Variants in PXDNL observed in about 807,000 individuals in gnomAD.
The protein encoded by PXDNL is probable oxidoreductase PXDNL.
Under a neutral mutation model 150.8 loss-of-function variants are expected in PXDNL, and 145 were observed. That is an observed-to-expected ratio of 0.96 (90% CI 0.84 to 1.10). The LOEUF is 1.10. Ranked by LOEUF, PXDNL falls within the 50% of genes least tolerant of loss-of-function variation. PXDNL has a pLI of 0.00. For synonymous variants in PXDNL, 757 were observed against 725.7 expected (o/e 1.04, Z -0.69); for missense variants, 2,087 against 1,873.9 (o/e 1.11, Z -2.10).
At chr8:51,574,288 A>G (rs1318541299) in intron 3 of PXDNL, among the ~76,000 whole-genome samples, 2 of 152,060 alleles carry the variant, frequency 1.3e-5, no homozygotes, top group Non-Finnish European at 2.9e-5. Flanking sequence ...AACTCAATGT[A>G]TGGGTCAGTG....
intron 8 of PXDNL, 145 bp downstream of exon 8, chr8:51,472,042 C>T (rs1254976085): frequency 1.1e-5 from 6 of 563,532 alleles, no homozygotes; most frequent in East Asian, 2.8e-5. Context: ...AGTAAGTCAA[C>T]AGATAAAAGT....
At chr8:51,492,160 T>A (rs1644058471) in intron 5 of PXDNL, among the ~76,000 whole-genome samples, 1 of 152,228 alleles carries the variant, frequency 6.6e-6, no homozygotes. Flanking sequence ...AAGGGCATCC[T>A]TTTTTAAACA....
intron 1 of PXDNL, among the ~76,000 whole-genome samples, chr8:51,782,219 T>C (rs2037422204): frequency 6.6e-6 from 1 of 152,108 alleles, no homozygotes; most frequent in Admixed American, 6.5e-5. Context: ...TAGAGCAGTG[T>C]TGCCTGGCCT....
At chr8:51,493,085 T>C (rs1179560326) in intron 5 of PXDNL, among the ~76,000 whole-genome samples, 2 of 152,120 alleles carry the variant, frequency 1.3e-5, no homozygotes, top group Non-Finnish European at 1.5e-5. Context: ...GAGACAAAAC[T>C]TCCAGAGGAA....
At chr8:51,620,418 G>T (rs1012818009) in intron 2 of PXDNL, among the ~76,000 whole-genome samples, 5 of 152,138 alleles carry the variant, frequency 3.3e-5, no homozygotes, top group African/African-American at 1.2e-4. Context: ...CTAACACATG[G>T]CCAACATTTT....
At chr8:51,784,160 C>G (rs752614130) in intron 1 of PXDNL, among the ~76,000 whole-genome samples, 8 of 152,228 alleles carry the variant, frequency 5.3e-5, no homozygotes, top group Non-Finnish European at 5.9e-5. Context: ...AGACTCTCCT[C>G]TCTTTTTCTA....
At chr8:51,520,870 C>T (rs1811647756) in intron 4 of PXDNL, among the ~76,000 whole-genome samples, 1 of 152,076 alleles carries the variant, frequency 6.6e-6, no homozygotes, top group African/African-American at 2.4e-5. Flanking sequence ...AAAGCAATCA[C>T]CAGAACCAGA....
intron 1 of PXDNL, among the ~76,000 whole-genome samples, chr8:51,693,833 G>C (rs1035820495): frequency 6.6e-6 from 1 of 152,160 alleles, no homozygotes; most frequent in Non-Finnish European, 1.5e-5. Flanking sequence ...TTTGATTCAG[G>C]CTTTTAATAC....
At position 51,644,321 on chromosome 8, in the gene PXDNL, C is replaced by CATATAT. The variant is rs369187025; in HGVS notation, c.236+10362_236+10367dup. Among the ~76,000 whole-genome samples the CATATAT allele has an allele frequency of 2.0e-3, 111 of 55,904 alleles. 3 individuals are homozygous for CATATAT. Among genetic ancestry groups the CATATAT allele is most frequent in the African/African-American group, 4.3e-3 (103 of 24,206 alleles). The allele number at this position is 55,904 out of a possible 152,430, so 36.7% of individuals were successfully genotyped here. On this transcript the variant is annotated intron_variant, in intron 2 of 22. Transcript: ENST00000356297. The stretch of plus-strand genomic sequence containing the variant: ...ACCCTGTAGCAAAGGCACATTTTTA[C>CATATAT]ATATATATATATATATACACACACA...
At chr8:51,578,405 G>C (rs774687368) in intron 3 of PXDNL, among the ~76,000 whole-genome samples, 1 of 151,400 alleles carries the variant, frequency 6.6e-6, no homozygotes, top group Non-Finnish European at 1.5e-5. Flanking sequence ...AAAATACCTA[G>C]GTATAAACCT....
At chr8:51,713,291 G>A (rs539144076) in intron 1 of PXDNL, among the ~76,000 whole-genome samples, 2 of 152,264 alleles carry the variant, frequency 1.3e-5, no homozygotes, top group South Asian at 4.2e-4. Context: ...AGCACCACAA[G>A]GCATTCCTTA....
intron 1 of PXDNL, among the ~76,000 whole-genome samples, chr8:51,670,371 A>G (rs118172721): frequency 4.9e-3 from 748 of 152,306 alleles, no homozygotes; most frequent in Non-Finnish European, 7.4e-3. Flanking sequence ...TTGCGCAAAG[A>G]TCATAGAGTG....
rs775133961 is a variant in PXDNL at position 51,409,309 on chromosome 8, C to T, written c.2315G>A (p.Gly772Asp). Residue 772 changes from glycine (G) to aspartate (D), a missense_variant, in exon 17 of 23, where the codon GGC (glycine) becomes GAC (aspartate). Transcript: ENST00000356297. ...RAPRGLGLPV[G>D]SRQPLPPPRL... ...GGGCGGCGGGAGGGGCTGGCGGGAG[C>T]CCACAGGAAGGCCGAGCCCGCGGGG... The T allele has an allele frequency of 2.1e-5, 30 of 1,421,450 alleles. No homozygotes were observed. In the South Asian group the frequency reaches 4.4e-4, roughly 21 times the overall value. 88.1% of individuals were successfully genotyped at this position (1,421,450 alleles called of 1,614,324 possible).
At chr8:51,584,729 G>C (rs1050417099) in intron 3 of PXDNL, among the ~76,000 whole-genome samples, 2 of 152,138 alleles carry the variant, frequency 1.3e-5, no homozygotes, top group Non-Finnish European at 2.9e-5. Flanking sequence ...TGTCATGAAG[G>C]CTGAAGATAT....
chr8:51,577,660 A>G (rs539422075), intron 3 of PXDNL, among the ~76,000 whole-genome samples: 1 of 149,362 alleles, frequency 6.7e-6, no homozygotes, highest in Non-Finnish European at 1.5e-5. Flanking sequence ...TAAGGAAAAA[A>G]CCTTTGACTA....
intron 2 of PXDNL, among the ~76,000 whole-genome samples, chr8:51,642,864 G>A (rs1187585192): frequency 3.3e-5 from 5 of 152,102 alleles, no homozygotes; most frequent in African/African-American, 7.2e-5. Flanking sequence ...CAAAATCAAC[G>A]TGCAAAAATC....
intron 1 of PXDNL, among the ~76,000 whole-genome samples, chr8:51,780,660 T>C (rs1376564062): frequency 1.6e-4 from 22 of 140,716 alleles, no homozygotes; most frequent in East Asian, 1.2e-3. Context: ...TTTTCTTTTT[T>C]TTTTTTTTTT....
chr8:51,729,281 A>C (rs2130930808), intron 1 of PXDNL, among the ~76,000 whole-genome samples: 1 of 151,620 alleles, frequency 6.6e-6, no homozygotes, highest in Middle Eastern at 3.4e-3. Flanking sequence ...GATAAAAGAT[A>C]GTTATCCAAA....
At chr8:51,409,853 T>C (rs971853509) in intron 16 of PXDNL, among the ~76,000 whole-genome samples, 2 of 152,136 alleles carry the variant, frequency 1.3e-5, no homozygotes, top group African/African-American at 4.8e-5. Context: ...AGCCAGACAC[T>C]AAAAGATGTT....
Sources: allele counts gnomAD v4.1 joint callset (sites outside exome capture counted in the v4.1 genomes callset), GRCh38; gene constraint gnomAD v4.1.1; transcripts MANE v1.5; gene names NCBI Gene and HGNC (gene_info 2026-07-23, HGNC 2026-07-21).